Variants in PRKCB observed in about 807,000 individuals in gnomAD.
The protein encoded by PRKCB is protein kinase C beta type.
Under a neutral mutation model 81.5 loss-of-function variants are expected in PRKCB, and 13 were observed. The observed-to-expected ratio is 0.16, with a 90% confidence interval of 0.10 to 0.25. The LOEUF is 0.25. Among genes scored for constraint, PRKCB ranks in the 10% least tolerant of loss-of-function variants. PRKCB has a pLI of 1.00. For missense variants in PRKCB, 509 were observed against 875.7 expected, an observed-to-expected ratio of 0.58 and a Z score of 5.29; for synonymous variants, 335 against 321.4, an observed-to-expected ratio of 1.04 and a Z score of -0.45.
At chr16:24,002,801 A>G (rs1441479048) in intron 3 of PRKCB, among the ~76,000 whole-genome samples, 1 of 152,100 alleles carries the variant, frequency 6.6e-6, no homozygotes, top group Non-Finnish European at 1.5e-5. Context: ...TGTGCAGTCT[A>G]CCACACTGAC....
chr16:24,108,336 T>A (rs956221138), intron 7 of PRKCB, among the ~76,000 whole-genome samples: 1 of 148,028 alleles, frequency 6.8e-6, no homozygotes, highest in Non-Finnish European at 1.5e-5. Context: ...TTATTTTATT[T>A]TTTTTTAAAT....
intron 9 of PRKCB, among the ~76,000 whole-genome samples, chr16:24,150,658 C>T (rs1384196477): frequency 6.6e-6 from 1 of 152,204 alleles, no homozygotes; most frequent in East Asian, 1.9e-4. Flanking sequence ...TCTTGAAACA[C>T]TTGTTGCAAA....
chr16:24,217,661 A>G lies in PRKCB; in HGVS notation c.*2845A>G. On this transcript the variant is annotated 3_prime_UTR_variant, in exon 17 of 17. Transcript: ENST00000643927. ...TGAAGCATTAGCCATCACCAGCACA[A>G]CAAACGGGGCAGGGCTTTCCAAGGT... is the stretch of plus-strand genomic sequence containing the variant. 5.1e-6 allele frequency: 5 copies of G among 985,540 alleles called. No homozygotes were observed. Among genetic ancestry groups the G allele is most frequent in the Non-Finnish European group, 4.8e-6 (4 of 830,018 alleles). 61.0% of individuals were successfully genotyped at this position (985,540 alleles called of 1,614,324 possible).
chr16:24,077,509 C>CCATT (rs1427648213), intron 5 of PRKCB, among the ~76,000 whole-genome samples: 3 of 151,910 alleles, frequency 2.0e-5, no homozygotes, highest in Admixed American at 6.6e-5. Flanking sequence ...ATCCATCCAT[C>CCATT]CATCCATCCA....
chr16:24,199,711 T>C (rs552523589), intron 16 of PRKCB, among the ~76,000 whole-genome samples: 214 of 152,378 alleles, frequency 1.4e-3, no homozygotes, highest in Non-Finnish European at 2.7e-3. Flanking sequence ...CTTCCATGAA[T>C]TGCCTCATTT....
At chr16:23,936,424 T>C (rs76266971) in intron 2 of PRKCB, among the ~76,000 whole-genome samples, 4,456 of 152,098 alleles carry the variant, frequency 0.029, 97 homozygotes, top group African/African-American at 0.053. Context: ...GTAGAGTATA[T>C]ATATATTTGA....
chr16:24,220,144 G>T lies in PRKCB; in HGVS notation c.*5328G>T. 1.2e-6 allele frequency: 2 copies of T among 1,612,634 alleles called. No individual in the cohort carries two copies. Among genetic ancestry groups the T allele is most frequent in the Non-Finnish European group, 1.7e-6 (2 of 1,179,050 alleles). ...TGCAAACTCCATCGTTGAGCCTGGGGTGTAAGACTTCAAGCCAAGCGTATG... is the reference window on the plus strand; with the variant it reads ...TGCAAACTCCATCGTTGAGCCTGGGTTGTAAGACTTCAAGCCAAGCGTATG... On this transcript the variant is annotated 3_prime_UTR_variant, in exon 17 of 17. Coordinates refer to ENST00000643927, the MANE Select transcript of PRKCB (RefSeq NM_002738.7).
At chr16:23,987,115 C>T (rs1335497271) in intron 2 of PRKCB, among the ~76,000 whole-genome samples, 5 of 152,074 alleles carry the variant, frequency 3.3e-5, no homozygotes, top group African/African-American at 1.2e-4. Context: ...CACTTAGAAT[C>T]CAAACAAGGT....
intron 2 of PRKCB, among the ~76,000 whole-genome samples, chr16:23,904,036 G>T (rs951559038): frequency 6.6e-6 from 1 of 152,206 alleles, no homozygotes; most frequent in African/African-American, 2.4e-5. Context: ...GTTTGTGTCT[G>T]CCCTAGAACT....
Position 24,038,966 on chromosome 16 carries a change from T to C in PRKCB, c.529+3419T>C, listed in dbSNP as rs7195677. Among the ~76,000 whole-genome samples the C allele has an allele frequency of 2.9e-3, 444 of 152,170 alleles. 3 individuals are homozygous for C. Among genetic ancestry groups the C allele is most frequent in the African/African-American group, 9.7e-3 (404 of 41,514 alleles). On this transcript the variant is annotated intron_variant, in intron 5 of 16. Transcript: ENST00000643927. The stretch of plus-strand genomic sequence containing the variant: ...TAAAGCCTCACCCCCAGTGTGGTGG[T>C]ATTTGGAGCTATGGGACCTTTGGGT...
intron 2 of PRKCB, chr16:23,869,244 C>T (rs1162025370): frequency 5.3e-6 from 2 of 374,156 alleles, no homozygotes; most frequent in Non-Finnish European, 1.1e-5. Flanking sequence ...CTTCCCACCT[C>T]TGCCACAAGA....
Position 24,194,370 on chromosome 16 carries a change from A to C in PRKCB, c.1863+3140A>C, listed in dbSNP as rs113920025. Among the ~76,000 whole-genome samples, 1,001 of 152,232 alleles carry C rather than the reference A, an allele frequency of 6.6e-3. 12 individuals carry two copies. The highest frequency in any genetic ancestry group is 0.023 in the African/African-American group (953 of 41,554). On this transcript the variant is annotated intron_variant, in intron 16 of 16. Coordinates refer to ENST00000643927, the MANE Select transcript of PRKCB (RefSeq NM_002738.7). Reference sequence around the variant, plus strand: ...AAAAAACAAAAAACAACAAAAAAAAAACCTCACAATTTCTTTTATATATCA... The same window carrying C: ...AAAAAACAAAAAACAACAAAAAAAACACCTCACAATTTCTTTTATATATCA...
chr16:24,016,370 G>A (rs971112317), intron 3 of PRKCB, among the ~76,000 whole-genome samples: 3 of 151,876 alleles, frequency 2.0e-5, no homozygotes, highest in Admixed American at 6.6e-5. Context: ...TGGCATACCC[G>A]GGCTAAGAGC....
chr16:24,073,158 C>T (rs1966135278), intron 5 of PRKCB, among the ~76,000 whole-genome samples: 2 of 152,164 alleles, frequency 1.3e-5, no homozygotes, highest in South Asian at 2.1e-4. Context: ...TTCACATCTA[C>T]CCCAGGGCTT....
Position 24,214,843 on chromosome 16 carries a change from T to C in PRKCB, c.*27T>C, listed in dbSNP as rs766584611. On this transcript the variant is annotated 3_prime_UTR_variant, in exon 17 of 17. Coordinates refer to ENST00000643927, the MANE Select transcript of PRKCB (RefSeq NM_002738.7). ...TAGATGTGTAGATCTCCGTCCTTCA[T>C]TTCTGTCATTCAAGCTCAACGGCTA... 5 of 1,511,196 alleles carry C rather than the reference T, an allele frequency of 3.3e-6. No homozygotes were observed. The highest frequency in any genetic ancestry group is 4.4e-6 in the Non-Finnish European group (5 of 1,132,606). The allele number at this position is 1,511,196 out of a possible 1,614,324, so 93.6% of individuals were successfully genotyped here.
intron 9 of PRKCB, among the ~76,000 whole-genome samples, chr16:24,145,685 A>G (rs188142856): frequency 2.7e-4 from 41 of 152,352 alleles, no homozygotes; most frequent in Admixed American, 2.0e-3. Context: ...GTTGGGAAGC[A>G]AGATCTTGGG....
chr16:23,984,160 G>A (rs1321566831), intron 2 of PRKCB, among the ~76,000 whole-genome samples: 1 of 152,176 alleles, frequency 6.6e-6, no homozygotes, highest in East Asian at 1.9e-4. Context: ...AATTAATTGA[G>A]CAGTCAATTC....
rs1968217762 is a variant in PRKCB at position 24,215,734 on chromosome 16, T to C, written c.*918T>C. ...AATGTTATTAACCACAATGACGACC[T>C]GCTTTGATTTAACCAAGAAGACGGC... On this transcript the variant is annotated 3_prime_UTR_variant, in exon 17 of 17. Coordinates refer to ENST00000643927, the MANE Select transcript of PRKCB (RefSeq NM_002738.7). The C allele has an allele frequency of 1.0e-6, 1 of 985,810 alleles. No individual in the cohort carries two copies. Among genetic ancestry groups the C allele is most frequent in the Non-Finnish European group, 1.2e-6 (1 of 829,888 alleles). 61.1% of individuals were successfully genotyped at this position (985,810 alleles called of 1,614,324 possible). A position where few individuals can be genotyped will look rare whatever the true frequency, so the allele number is the denominator to read the frequency against.
At chr16:24,014,907 C>T (rs530073135) in intron 3 of PRKCB, among the ~76,000 whole-genome samples, 1 of 152,262 alleles carries the variant, frequency 6.6e-6, no homozygotes, top group Admixed American at 6.5e-5. Flanking sequence ...AATTCTCCTG[C>T]CTCAACTTCC....
Sources: gnomAD v4.1 joint callset for allele counts (sites outside exome capture counted in the v4.1 genomes callset) on GRCh38, gnomAD v4.1.1 for gene constraint, MANE v1.5 for transcripts, NCBI Gene and HGNC (gene_info 2026-07-23, HGNC 2026-07-21) for gene names.